TSC22D1: variants seen among roughly 807,000 people sequenced by gnomAD.
TSC22D1 encodes the protein TSC22 domain family member 1.
In TSC22D1, 9 loss-of-function variants were observed where a neutral mutation model predicts 74.2. That is an observed-to-expected ratio of 0.12 (90% CI 0.07 to 0.21). The LOEUF is 0.21. Among genes scored for constraint, TSC22D1 ranks in the 10% least tolerant of loss-of-function variants. The pLI is 1.00. For missense variants in TSC22D1, 1,427 were observed against 1,304.7 expected, an observed-to-expected ratio of 1.09 and a Z score of -1.44; for synonymous variants, 586 against 492.5, an observed-to-expected ratio of 1.19 and a Z score of -2.51.
At chr13:44,465,261 C>T (rs1877207375) in intron 1 of TSC22D1, among the ~76,000 whole-genome samples, 1 of 151,814 alleles carries the variant, frequency 6.6e-6, no homozygotes, top group Admixed American at 6.6e-5. Context: ...GAGAGCCTCC[C>T]AGGAAAAAAA....
intron 1 of TSC22D1, among the ~76,000 whole-genome samples, chr13:44,563,315 T>G (rs1883168992): frequency 6.6e-6 from 1 of 152,190 alleles, no homozygotes; most frequent in Admixed American, 6.5e-5. Flanking sequence ...AATTGTGGAA[T>G]CTGCTCAGCA....
chr13:44,499,799 A>C (rs1023266537), intron 1 of TSC22D1, among the ~76,000 whole-genome samples: 10 of 152,148 alleles, frequency 6.6e-5, no homozygotes, highest in Non-Finnish European at 1.5e-4. Context: ...TAAAAAGCTC[A>C]CAGCTAGCCG....
intron 1 of TSC22D1, among the ~76,000 whole-genome samples, chr13:44,514,400 T>TCA (rs1053915482): frequency 6.6e-6 from 1 of 151,130 alleles, no homozygotes; most frequent in Non-Finnish European, 1.5e-5. Context: ...GCCCCCCACA[T>TCA]CACACACACA....
At chr13:44,451,874 A>G (rs1876164949) in intron 1 of TSC22D1, among the ~76,000 whole-genome samples, 2 of 152,166 alleles carry the variant, frequency 1.3e-5, no homozygotes, top group African/African-American at 2.4e-5. Context: ...GATCACCAAT[A>G]GGACATCCGC....
intron 1 of TSC22D1, among the ~76,000 whole-genome samples, chr13:44,448,201 A>G (rs900153592): frequency 6.6e-6 from 1 of 152,204 alleles, no homozygotes. Flanking sequence ...CATGAAGTGA[A>G]AAATGAATAT....
chr13:44,447,724 A>C (rs1875796864), intron 1 of TSC22D1, among the ~76,000 whole-genome samples: 1 of 151,954 alleles, frequency 6.6e-6, no homozygotes, highest in Non-Finnish European at 1.5e-5. Context: ...TTAAATTGTT[A>C]CAATTCTAGA....
chr13:44,494,233 A>G (rs1878853199), intron 1 of TSC22D1, among the ~76,000 whole-genome samples: 1 of 151,782 alleles, frequency 6.6e-6, no homozygotes, highest in Non-Finnish European at 1.5e-5. Flanking sequence ...AAAATTAGCC[A>G]GGCGTAGTGG....
intron 1 of TSC22D1, among the ~76,000 whole-genome samples, chr13:44,514,524 G>C (rs562643195): frequency 6.6e-6 from 1 of 151,656 alleles, no homozygotes; most frequent in African/African-American, 2.4e-5. Flanking sequence ...ACACACACAC[G>C]ATGATACAAA....
chr13:44,435,706 G>A (rs114038184), intron 2 of TSC22D1: 4,360 of 347,634 alleles, frequency 0.013, 128 homozygotes, highest in African/African-American at 0.073. Flanking sequence ...TCCTAGTAAA[G>A]CCACATCGCT....
At chr13:44,476,805 T>A (rs1335711327) in intron 1 of TSC22D1, among the ~76,000 whole-genome samples, 1 of 152,036 alleles carries the variant, frequency 6.6e-6, no homozygotes, top group Non-Finnish European at 1.5e-5. Context: ...GCAGCCCAAG[T>A]AGCTGGGACT....
At chr13:44,462,427 A>G (rs1877048452) in intron 1 of TSC22D1, among the ~76,000 whole-genome samples, 1 of 152,214 alleles carries the variant, frequency 6.6e-6, no homozygotes, top group East Asian at 1.9e-4. Context: ...AACAAAAGAA[A>G]GAAGTACTGA....
intron 1 of TSC22D1, among the ~76,000 whole-genome samples, chr13:44,456,306 G>A (rs752793707): frequency 2.0e-5 from 3 of 152,166 alleles, no homozygotes; most frequent in Non-Finnish European, 4.4e-5. Context: ...ATTTGGCCCT[G>A]CCCACATCCT....
intron 1 of TSC22D1, among the ~76,000 whole-genome samples, chr13:44,520,280 G>T (rs1271082025): frequency 2.0e-5 from 3 of 152,074 alleles, no homozygotes; most frequent in South Asian, 2.1e-4. Context: ...GAAATCAGAG[G>T]ACTAAAGATT....
At chr13:44,435,943 A>AATC in intron 2 of TSC22D1, 101 bp downstream of exon 2, 2 of 1,195,630 alleles carry the variant, frequency 1.7e-6, no homozygotes, top group Non-Finnish European at 2.4e-6. Flanking sequence ...CATCAAGAGC[A>AATC]ATCATCATCA....
chr13:44,514,822 T>G (rs1409134643), intron 1 of TSC22D1, among the ~76,000 whole-genome samples: 1 of 152,052 alleles, frequency 6.6e-6, no homozygotes, highest in African/African-American at 2.4e-5. Context: ...ATCGCACCAA[T>G]GCACTCCAGC....
intron 1 of TSC22D1, among the ~76,000 whole-genome samples, chr13:44,496,341 G>T (rs191881952): frequency 5.9e-5 from 9 of 152,062 alleles, no homozygotes; most frequent in African/African-American, 2.2e-4. Flanking sequence ...TTTGAGACTA[G>T]CCTGGACAAC....
intron 1 of TSC22D1, among the ~76,000 whole-genome samples, chr13:44,514,421 AC>A (rs763302666): frequency 9.9e-5 from 15 of 152,194 alleles, no homozygotes; most frequent in Middle Eastern, 3.4e-3. Context: ...CAAAAAAACC[AC>A]CATGAACAAG....
chr13:44,445,441 T>C (rs1875559471), intron 1 of TSC22D1, among the ~76,000 whole-genome samples: 1 of 151,912 alleles, frequency 6.6e-6, no homozygotes, highest in Non-Finnish European at 1.5e-5. Context: ...TAAGAAAACA[T>C]AAATCTTTTG....
intron 1 of TSC22D1, among the ~76,000 whole-genome samples, chr13:44,481,171 T>C (rs1439929258): frequency 6.6e-6 from 1 of 152,056 alleles, no homozygotes; most frequent in East Asian, 1.9e-4. Context: ...CAGGCAGCAA[T>C]GCCAAAGATA....
Sources: gnomAD v4.1 joint callset for allele counts (sites outside exome capture counted in the v4.1 genomes callset) on GRCh38, gnomAD v4.1.1 for gene constraint, MANE v1.5 for transcripts, NCBI Gene and HGNC (gene_info 2026-07-23, HGNC 2026-07-21) for gene names.